AKAP13: variants seen among roughly 807,000 people sequenced by gnomAD.
AKAP13 encodes A-kinase anchoring protein 13.
A neutral mutation model predicts 264.5 loss-of-function variants in AKAP13; 80 were observed. The observed-to-expected ratio is 0.30, with a 90% CI of 0.25 to 0.36. The LOEUF (loss-of-function observed/expected upper bound fraction) is 0.36, where lower values mean the gene tolerates loss of function less well. Among genes scored for constraint, AKAP13 ranks in the 10% least tolerant of loss-of-function variants. The pLI is 1.00. For missense variants in AKAP13, 3,712 were observed against 3,435.2 expected (o/e 1.08, Z -2.01); for synonymous variants, 1,380 against 1,250.2 (o/e 1.10, Z -2.19).
In AKAP13 at chr15:85,606,424, A is replaced by G. The variant is rs1212950662; in HGVS notation, c.4161+20601A>G. ...GCCTAGGTTTGATTTACCCTTGAGC[A>G]TAGGTTCCTTTACCTGAAAGATCCT... On this transcript the variant is annotated intron_variant, in intron 8 of 36. Transcript: ENST00000394518. Among the ~76,000 whole-genome samples, 5 of 152,270 alleles carry G rather than the reference A, an allele frequency of 3.3e-5. 1 individual carries two copies. In the East Asian group the frequency reaches 5.8e-4, roughly 18 times the overall value.
intron 10 of AKAP13, among the ~76,000 whole-genome samples, chr15:85,647,965 T>G (rs2082631945): frequency 6.6e-6 from 1 of 152,164 alleles, no homozygotes; most frequent in African/African-American, 2.4e-5. Flanking sequence ...ACTCCACATT[T>G]AGAAGATCTG....
At chr15:85,485,369 G>C (rs935520998) in intron 1 of AKAP13, among the ~76,000 whole-genome samples, 1 of 152,180 alleles carries the variant, frequency 6.6e-6, no homozygotes, top group South Asian at 2.1e-4. Context: ...GAGTTTGAGG[G>C]ACTACGTAAA....
intron 1 of AKAP13, among the ~76,000 whole-genome samples, chr15:85,405,823 A>C (rs2071634277): frequency 6.6e-6 from 1 of 152,126 alleles, no homozygotes; most frequent in Non-Finnish European, 1.5e-5. Flanking sequence ...ATGTCATACT[A>C]CTGGTAGAAT....
intron 9 of AKAP13, among the ~76,000 whole-genome samples, chr15:85,644,584 T>C (rs1263170576): frequency 2.1e-5 from 3 of 144,032 alleles, no homozygotes; most frequent in Non-Finnish European, 4.5e-5. Context: ...GCCCAGTGGC[T>C]CACACCTGTA....
At chr15:85,726,168 T>C in intron 26 of AKAP13, 1 of 425,334 alleles carries the variant, frequency 2.4e-6, no homozygotes, top group Non-Finnish European at 4.2e-6. Flanking sequence ...ACTTAAACTT[T>C]TCCAAAACAA....
Position 85,482,977 on chromosome 15 carries a change from A to G in AKAP13, c.-11-2733A>G, listed in dbSNP as rs1596308801. 2.0e-5 allele frequency among the ~76,000 whole-genome samples: 3 copies of G among 152,214 alleles called. No homozygotes were observed. In the South Asian group the frequency reaches 6.2e-4, roughly 32 times the overall value. On this transcript the variant is annotated intron_variant, in intron 1 of 36. Transcript: ENST00000394518. ...CAGTGTGAGGGACAGACACTTTGTCATCCCTCTTTTAATCCTTGTATCAGA... is the reference window on the plus strand; with the variant it reads ...CAGTGTGAGGGACAGACACTTTGTCGTCCCTCTTTTAATCCTTGTATCAGA...
In AKAP13 at chr15:85,533,585, T is replaced by A. The variant is rs1258546532; in HGVS notation, c.183T>A (p.Gly61=). The part of the protein sequence containing the change: ...SSDTLETIAP[G]HDCCETVKVQ... Reference sequence around the variant, plus strand: ...ATTTGCTGCCTGTGTTTCCTTTAGGTCATGATTGTTGTGAAACAGTGAAGG... The same window carrying A: ...ATTTGCTGCCTGTGTTTCCTTTAGGACATGATTGTTGTGAAACAGTGAAGG... Residue 61 remains glycine (G), a splice_region_variant and synonymous_variant, in exon 4 of 37, where the codon GGT becomes GGA. Coordinates refer to ENST00000394518, the MANE Select transcript of AKAP13 (RefSeq NM_007200.5). The A allele has an allele frequency of 2.5e-6, 4 of 1,604,012 alleles. No homozygotes were observed. In the Admixed American group the frequency reaches 6.8e-5, roughly 27 times the overall value.
At chr15:85,578,254 G>A (rs1051438538) in intron 6 of AKAP13, among the ~76,000 whole-genome samples, 2 of 152,240 alleles carry the variant, frequency 1.3e-5, no homozygotes, top group African/African-American at 4.8e-5. Context: ...CTGCACTTCA[G>A]CCTGGCCTCA....
In AKAP13 at chr15:85,741,133, A is replaced by G. The variant is rs767773227; in HGVS notation, c.7696A>G (p.Ser2566Gly). ...RALTRSLSRP[S>G]SLIEQEKQRS... ...GCTCACTCGCAGCTTGTCCCGCCCG[A>G]GCTCCCTCATTGAGCAGGAGAAGCA... The change falls in exon 35 of 37, where the codon AGC becomes GGC. Residue 2566 changes from serine to glycine, a missense_variant. Coordinates refer to ENST00000394518, the MANE Select transcript of AKAP13 (RefSeq NM_007200.5). 1.2e-5 allele frequency: 19 copies of G among 1,613,478 alleles called. 1 individual carries two copies. The Admixed American group carries it at 1.5e-4, about 13-fold the overall frequency.
intron 3 of AKAP13, among the ~76,000 whole-genome samples, chr15:85,525,961 C>A (rs2077025277): frequency 6.6e-6 from 1 of 152,168 alleles, no homozygotes; most frequent in African/African-American, 2.4e-5. Flanking sequence ...CAGAATCTTT[C>A]ATAAAATGAA....
At chr15:85,409,891 A>C (rs1202335151) in intron 1 of AKAP13, among the ~76,000 whole-genome samples, 2 of 151,550 alleles carry the variant, frequency 1.3e-5, no homozygotes, top group Non-Finnish European at 2.9e-5. Context: ...TCGGCCTCCC[A>C]AAGTGCTGGG....
chr15:85,580,221 C>T lies in AKAP13; in HGVS notation c.2153C>T (p.Thr718Ile). The T allele has an allele frequency of 6.2e-7, 1 of 1,614,204 alleles. No individual in the cohort carries two copies. The highest frequency in any genetic ancestry group is 8.5e-7 in the Non-Finnish European group (1 of 1,180,034). The change falls in exon 7 of 37, where the codon ACC (threonine) becomes ATC (isoleucine). Residue 718 changes from threonine (T) to isoleucine (I), a missense_variant. By Grantham distance (89) the Thr-to-Ile change is moderately conservative. Transcript: ENST00000394518. The stretch of plus-strand genomic sequence containing the variant: ...GAAGACCCACAGGCTCATACAGTCA[C>T]CTCTGACCCTGTAAGGGATACCCAG... ...HCEDPQAHTV[T>I]SDPVRDTQER...
At chr15:85,446,851 G>A (rs1313373619) in intron 1 of AKAP13, among the ~76,000 whole-genome samples, 3 of 151,832 alleles carry the variant, frequency 2.0e-5, no homozygotes, top group Admixed American at 6.6e-5. Flanking sequence ...ATAAATAAAT[G>A]GTGTGCTCTT....
At chr15:85,744,506 G>T in intron 36 of AKAP13, 122 bp from the exon 37 acceptor site, 1 of 1,043,254 alleles carries the variant, frequency 9.6e-7, no homozygotes. Context: ...GCGCAGAAGA[G>T]TTAATTGCCC....
At chr15:85,400,875 T>TATA (rs1491383143) in intron 1 of AKAP13, among the ~76,000 whole-genome samples, 1 of 14,018 alleles carries the variant, frequency 7.1e-5, no homozygotes. Context: ...TATATATATA[T>TATA]TTTTTTTTTT....
rs142006891 is a variant in AKAP13 at position 85,515,368 on chromosome 15, T to C, written c.34-6060T>C. Among the ~76,000 whole-genome samples the C allele has an allele frequency of 2.2e-5, 3 of 138,200 alleles. 1 individual carries two copies. The East Asian group carries it at 6.1e-4, about 28-fold the overall frequency. The allele number at this position is 138,200 out of a possible 152,430, so 90.7% of individuals were successfully genotyped here. A position where few individuals can be genotyped will look rare whatever the true frequency, so the allele number is the denominator to read the frequency against. On this transcript the variant is annotated intron_variant, in intron 2 of 36. Transcript: ENST00000394518. ...CTTTCCTGAACCATTGGAGAGTAAA[T>C]TGTAGGTCTCACGTCCCTTTACTCC...
Position 85,533,564 on chromosome 15 carries a change from G to T in AKAP13, c.182-20G>T, listed in dbSNP as rs756845225. The T allele has an allele frequency of 1.3e-6, 2 of 1,582,046 alleles. 1 individual carries two copies. The highest frequency in any genetic ancestry group is 2.3e-5 in the South Asian group (2 of 86,562). Reference sequence around the variant, plus strand: ...GTGAGGCTCTAATACTGTTTTATTTGCTGCCTGTGTTTCCTTTAGGTCATG... The same window carrying T: ...GTGAGGCTCTAATACTGTTTTATTTTCTGCCTGTGTTTCCTTTAGGTCATG... On this transcript the variant is annotated intron_variant, in intron 3 of 36. Transcript: ENST00000394518.
chr15:85,665,821 T>A (rs1205463950), intron 13 of AKAP13, among the ~76,000 whole-genome samples: 2 of 152,164 alleles, frequency 1.3e-5, no homozygotes, highest in African/African-American at 4.8e-5. Context: ...AGAATGATGG[T>A]TTCCAGCTTC....
intron 1 of AKAP13, among the ~76,000 whole-genome samples, chr15:85,440,498 G>A (rs376391562): frequency 2.6e-5 from 4 of 152,066 alleles, no homozygotes; most frequent in Admixed American, 1.3e-4. Context: ...TAAACAGGCC[G>A]ATGAAAAAGA....
Sources: gnomAD v4.1 joint callset for allele counts (sites outside exome capture counted in the v4.1 genomes callset) on GRCh38, gnomAD v4.1.1 for gene constraint, MANE v1.5 for transcripts, NCBI Gene and HGNC (gene_info 2026-07-23, HGNC 2026-07-21) for gene names.